LDLRAD4: variants seen among roughly 807,000 people sequenced by gnomAD.
LDLRAD4 encodes the protein low density lipoprotein receptor class A domain containing 4.
Under a neutral mutation model 17.0 loss-of-function variants are expected in LDLRAD4, and 5 were observed. The ratio of observed to expected loss-of-function variants is 0.29; its 90% CI spans 0.15 to 0.62. The LOEUF is 0.62. Ranked by LOEUF, LDLRAD4 falls within the 20% of genes least tolerant of loss-of-function variation. LDLRAD4 has a pLI of 0.84. For missense variants in LDLRAD4, 340 were observed against 424.7 expected (o/e 0.80, Z 1.75); for synonymous variants, 168 against 171.8 (o/e 0.98, Z 0.17).
intron 1 of LDLRAD4, among the ~76,000 whole-genome samples, chr18:13,371,247 G>A (rs11875285): frequency 6.6e-6 from 1 of 152,020 alleles, no homozygotes; most frequent in Non-Finnish European, 1.5e-5. Context: ...AGGCTGAGAT[G>A]GGGGGGCCAG....
intron 3 of LDLRAD4, among the ~76,000 whole-genome samples, chr18:13,469,285 G>T (rs1274734587): frequency 6.6e-6 from 1 of 152,198 alleles, no homozygotes; most frequent in Non-Finnish European, 1.5e-5. Context: ...ATTACTGATA[G>T]GAGTTTACAA....
At chr18:13,285,277 C>T (rs943513982) in intron 1 of LDLRAD4, among the ~76,000 whole-genome samples, 2 of 152,112 alleles carry the variant, frequency 1.3e-5, no homozygotes, top group African/African-American at 4.8e-5. Context: ...GGGTTTTGAC[C>T]TCCAGAAAGG....
At chr18:13,561,902 A>G (rs1483476554) in intron 3 of LDLRAD4, 10 of 152,232 alleles carry the variant, frequency 6.6e-5, no homozygotes, top group African/African-American at 2.4e-4. Flanking sequence ...TATATTAGAG[A>G]AAACCTAAAA....
At chr18:13,292,226 G>A (rs1201120021) in intron 1 of LDLRAD4, among the ~76,000 whole-genome samples, 2 of 152,178 alleles carry the variant, frequency 1.3e-5, no homozygotes, top group African/African-American at 2.4e-5. Context: ...TCAGTGGCAC[G>A]TGGCAAACAG....
chr18:13,320,819 C>T (rs937627124), intron 1 of LDLRAD4, among the ~76,000 whole-genome samples: 11 of 152,182 alleles, frequency 7.2e-5, no homozygotes, highest in Non-Finnish European at 1.3e-4. Flanking sequence ...ATGCCCATGG[C>T]ATCTGGTAGA....
At chr18:13,399,076 T>G (rs2086936658) in intron 2 of LDLRAD4, among the ~76,000 whole-genome samples, 1 of 152,046 alleles carries the variant, frequency 6.6e-6, no homozygotes, top group African/African-American at 2.4e-5. Context: ...CCACCAGATG[T>G]GGTGGTGTGT....
At chr18:13,406,553 G>T (rs986212185) in intron 2 of LDLRAD4, among the ~76,000 whole-genome samples, 1 of 152,130 alleles carries the variant, frequency 6.6e-6, no homozygotes, top group South Asian at 2.1e-4. Context: ...TGTTTACTGG[G>T]GAAGAGGCTT....
intron 3 of LDLRAD4, among the ~76,000 whole-genome samples, chr18:13,544,135 G>C (rs1227303365): frequency 6.6e-6 from 1 of 152,268 alleles, no homozygotes. Flanking sequence ...AAGCCACGCT[G>C]CTTTTCAGAA....
intron 2 of LDLRAD4, among the ~76,000 whole-genome samples, chr18:13,404,641 CA>C (rs1177428855): frequency 6.6e-6 from 1 of 151,778 alleles, no homozygotes; most frequent in Non-Finnish European, 1.5e-5. Flanking sequence ...ACTAAAAATA[CA>C]AAAAAATTAG....
intron 3 of LDLRAD4, among the ~76,000 whole-genome samples, chr18:13,475,671 C>T (rs1400809010): frequency 6.6e-6 from 1 of 152,114 alleles, no homozygotes; most frequent in Non-Finnish European, 1.5e-5. Context: ...ATCTTGTGAA[C>T]AGCCAACAAG....
At chr18:13,403,795 C>G (rs750560020) in intron 2 of LDLRAD4, among the ~76,000 whole-genome samples, 4 of 152,200 alleles carry the variant, frequency 2.6e-5, no homozygotes, top group Non-Finnish European at 5.9e-5. Context: ...TATATTTTAC[C>G]TCTAAAAGAA....
chr18:13,459,859 C>T (rs896767785), intron 3 of LDLRAD4: 13 of 151,932 alleles, frequency 8.6e-5, no homozygotes, highest in Non-Finnish European at 1.8e-4. Context: ...AGGATATTTA[C>T]ATCAGCAGCA....
intron 3 of LDLRAD4, among the ~76,000 whole-genome samples, chr18:13,519,338 C>T (rs960676369): frequency 2.0e-5 from 3 of 152,190 alleles, no homozygotes; most frequent in African/African-American, 7.2e-5. Flanking sequence ...GTGGCTCTCC[C>T]TGGTGTTCCG....
chr18:13,318,191 G>A (rs545272401), intron 1 of LDLRAD4, among the ~76,000 whole-genome samples: 5 of 152,204 alleles, frequency 3.3e-5, no homozygotes, highest in East Asian at 1.9e-4. Flanking sequence ...CTTTCCCTGC[G>A]CACCACTGCC....
intron 4 of LDLRAD4, among the ~76,000 whole-genome samples, chr18:13,626,504 G>A (rs1053980095): frequency 2.0e-5 from 3 of 152,184 alleles, no homozygotes; most frequent in Non-Finnish European, 4.4e-5. Context: ...GATGGAGGGA[G>A]AGGCAGGAGA....
At chr18:13,609,052 C>T (rs12955016) in intron 3 of LDLRAD4, among the ~76,000 whole-genome samples, 2,479 of 152,250 alleles carry the variant, frequency 0.016, 19 homozygotes, top group Middle Eastern at 0.034. Flanking sequence ...GACGTGATAG[C>T]CATCAGAGTA....
At chr18:13,475,531 C>A (rs111633614) in intron 3 of LDLRAD4, among the ~76,000 whole-genome samples, 11,409 of 151,482 alleles carry the variant, frequency 0.075, 530 homozygotes, top group Non-Finnish European at 0.11. Context: ...GGATTACCGG[C>A]ATGAGCCACT....
chr18:13,309,503 G>A (rs2047107865), intron 1 of LDLRAD4, among the ~76,000 whole-genome samples: 1 of 152,170 alleles, frequency 6.6e-6, no homozygotes, highest in African/African-American at 2.4e-5. Context: ...GAGGACTTAG[G>A]GGTTGGTATG....
At chr18:13,590,985 G>T (rs2095019634) in intron 3 of LDLRAD4, among the ~76,000 whole-genome samples, 1 of 152,172 alleles carries the variant, frequency 6.6e-6, no homozygotes, top group Non-Finnish European at 1.5e-5. Context: ...GATTTTTCTT[G>T]AAGTATGAAT....
Sources: gnomAD v4.1 joint callset for allele counts (sites outside exome capture counted in the v4.1 genomes callset) on GRCh38, gnomAD v4.1.1 for gene constraint, MANE v1.5 for transcripts, NCBI Gene and HGNC (gene_info 2026-07-23, HGNC 2026-07-21) for gene names.